WBP2NL: variants seen among roughly 807,000 people sequenced by gnomAD.
WBP2NL encodes postacrosomal sheath WW domain-binding protein.
In WBP2NL, 27 loss-of-function variants were observed where a neutral mutation model predicts 23.3. The observed-to-expected ratio is 1.16, with a 90% CI of 0.85 to 1.60. The LOEUF (loss-of-function observed/expected upper bound fraction) is 1.60, where lower values mean the gene tolerates loss of function less well. Ranked by LOEUF, WBP2NL falls within the 40% of genes most tolerant of loss-of-function variation. The pLI is 0.00. For missense variants in WBP2NL, 370 were observed against 389.5 expected (o/e 0.95, Z 0.42); for synonymous variants, 151 against 145.9 (o/e 1.03, Z -0.25).
intron 1 of WBP2NL, among the ~76,000 whole-genome samples, chr22:42,017,434 GC>G (rs1602454470): frequency 6.6e-6 from 1 of 152,156 alleles, no homozygotes; most frequent in East Asian, 1.9e-4. Flanking sequence ...CTCTTAATCA[GC>G]TCAAATTGCA....
intron 1 of WBP2NL, among the ~76,000 whole-genome samples, chr22:42,007,073 C>T (rs1361598660): frequency 6.6e-6 from 1 of 152,124 alleles, no homozygotes; most frequent in Non-Finnish European, 1.5e-5. Context: ...TTTTTTTCTC[C>T]AACTGCTTTA....
chr22:42,049,947 G>A (rs1196865070), intron 8 of WBP2NL, among the ~76,000 whole-genome samples: 3 of 142,816 alleles, frequency 2.1e-5, no homozygotes, highest in South Asian at 2.2e-4. Flanking sequence ...ATAGCACTCC[G>A]GCCTGGGCAA....
intron 5 of WBP2NL, among the ~76,000 whole-genome samples, chr22:42,022,571 A>G (rs1036796996): frequency 6.6e-6 from 1 of 152,214 alleles, no homozygotes; most frequent in African/African-American, 2.4e-5. Flanking sequence ...TTAATGATAT[A>G]TACAAACCTG....
At chr22:42,042,053 G>C (rs1925417031) in intron 8 of WBP2NL, among the ~76,000 whole-genome samples, 1 of 152,200 alleles carries the variant, frequency 6.6e-6, no homozygotes, top group Admixed American at 6.5e-5. Flanking sequence ...TAGTCTCATA[G>C]GGATTCCCTT....
At chr22:42,035,724 T>C (rs542452662), downstream of WBP2NL, among the ~76,000 whole-genome samples, 6 of 152,334 alleles carry the variant, frequency 3.9e-5, no homozygotes, top group East Asian at 7.7e-4. Flanking sequence ...TTGTGAAACA[T>C]TGTGAAATGA....
intron 1 of WBP2NL, among the ~76,000 whole-genome samples, chr22:42,011,659 T>C (rs574675270): frequency 1.5e-4 from 23 of 152,326 alleles, no homozygotes; most frequent in African/African-American, 5.5e-4. Context: ...TCTAGGGATT[T>C]ATCCATTTCT....
rs1923316767 is a variant in WBP2NL at position 42,016,437 on chromosome 22, G to A, written c.63-2874G>A. 2.0e-5 allele frequency among the ~76,000 whole-genome samples: 3 copies of A among 152,148 alleles called. No homozygotes were observed. The South Asian group carries it at 6.2e-4, about 32-fold the overall frequency. On this transcript the variant is annotated intron_variant, in intron 1 of 5. Transcript: ENST00000328823. ...TGTGTTCTGCTCCCTCCAGTACTTC[G>A]TATCTATCATGGGAATATAGATTGT...
chr22:42,042,415 ATTCT>A (rs1925430223), intron 8 of WBP2NL, among the ~76,000 whole-genome samples: 2 of 150,326 alleles, frequency 1.3e-5, no homozygotes, highest in Admixed American at 1.3e-4. Context: ...GAGTCTGCAG[ATTCT>A]TTCTTCTACT....
At chr22:42,020,596 T>C (rs1569449838) in intron 4 of WBP2NL, among the ~76,000 whole-genome samples, 1 of 151,988 alleles carries the variant, frequency 6.6e-6, no homozygotes, top group Non-Finnish European at 1.5e-5. Context: ...CTGATAGTCT[T>C]TTGTCCATTT....
intron 1 of WBP2NL, among the ~76,000 whole-genome samples, chr22:42,009,421 T>C (rs914723852): frequency 2.7e-4 from 41 of 152,230 alleles, no homozygotes; most frequent in African/African-American, 9.4e-4. Context: ...AGTATGTTTT[T>C]TTCTAGGAGT....
At chr22:42,022,564 A>G (rs1259370287) in intron 5 of WBP2NL, among the ~76,000 whole-genome samples, 1 of 152,232 alleles carries the variant, frequency 6.6e-6, no homozygotes, top group Non-Finnish European at 1.5e-5. Context: ...CTTACTTTTA[A>G]TGATATATAC....
At chr22:42,044,306 A>G (rs1251033261) in intron 8 of WBP2NL, among the ~76,000 whole-genome samples, 1 of 152,088 alleles carries the variant, frequency 6.6e-6, no homozygotes, top group African/African-American at 2.4e-5. Context: ...CCTGGCCTGA[A>G]GCGATCCTCC....
At chr22:42,031,798 C>G (rs764569633), downstream of WBP2NL, 8 of 151,722 alleles carry the variant, frequency 5.3e-5, no homozygotes, top group Non-Finnish European at 1.0e-4. Context: ...CAGGTTTAAG[C>G]GATTCTCCTG....
chr22:42,037,128 T>TTGTGTGTG (rs3045493), downstream of WBP2NL, among the ~76,000 whole-genome samples: 207 of 148,190 alleles, frequency 1.4e-3, no homozygotes, highest in Admixed American at 2.4e-3. Flanking sequence ...CAGATTTCAT[T>TTGTGTGTG]TGTGTGTGTG....
chr22:42,001,786 TAC>T (rs2146750499), intron 1 of WBP2NL: 1 of 1,217,570 alleles, frequency 8.2e-7, no homozygotes, highest in African/African-American at 1.5e-5. Flanking sequence ...TCCTTGGGAA[TAC>T]AGACCATGCA....
At chr22:42,020,241 T>C (rs1923765542) in intron 4 of WBP2NL, 145 bp downstream of exon 4, 2 of 774,246 alleles carry the variant, frequency 2.6e-6, no homozygotes, top group African/African-American at 1.8e-5. Flanking sequence ...GGTTTCACCA[T>C]GTTGCCCAGG....
chr22:42,015,483 A>G (rs1263283035), intron 1 of WBP2NL, among the ~76,000 whole-genome samples: 4 of 151,628 alleles, frequency 2.6e-5, no homozygotes, highest in African/African-American at 7.3e-5. Flanking sequence ...GCTCACTGCA[A>G]CCTCTGCCTC....
chr22:42,035,471 G>A (rs567958121), downstream of WBP2NL, among the ~76,000 whole-genome samples: 21 of 152,390 alleles, frequency 1.4e-4, no homozygotes, highest in African/African-American at 4.6e-4. Context: ...TGGAAGGGGC[G>A]GGTCTCGCGC....
At chr22:42,013,653 A>G (rs1420793018) in intron 1 of WBP2NL, among the ~76,000 whole-genome samples, 2 of 152,174 alleles carry the variant, frequency 1.3e-5, no homozygotes, top group Non-Finnish European at 2.9e-5. Context: ...TCTATCACGT[A>G]GGCTGGAGTG....
Sources: allele counts gnomAD v4.1 joint callset (sites outside exome capture counted in the v4.1 genomes callset), GRCh38; gene constraint gnomAD v4.1.1; transcripts MANE v1.5; gene names NCBI Gene and HGNC (gene_info 2026-07-23, HGNC 2026-07-21).